ATG4C: variants seen among roughly 807,000 people sequenced by gnomAD.
ATG4C encodes autophagy related 4C cysteine peptidase.
A neutral mutation model predicts 57.6 loss-of-function variants in ATG4C; 56 were observed. The observed-to-expected ratio is 0.97, with a 90% CI of 0.78 to 1.21. The LOEUF (loss-of-function observed/expected upper bound fraction) is 1.21, where lower values mean the gene tolerates loss of function less well. Ranked by LOEUF, ATG4C falls within the 50% of genes most tolerant of loss-of-function variation. The pLI is 0.00. For missense variants in ATG4C, 595 were observed against 529.8 expected, an observed-to-expected ratio of 1.12 and a Z score of -1.21; for synonymous variants, 157 against 174.1, an observed-to-expected ratio of 0.90 and a Z score of 0.78.
intron 3 of ATG4C, among the ~76,000 whole-genome samples, chr1:62,808,999 C>G (rs1188948657): frequency 6.6e-6 from 1 of 152,100 alleles, no homozygotes; most frequent in Admixed American, 6.6e-5. Context: ...GTGTCCCAAT[C>G]ACGGCTCACT....
chr1:62,839,963 G>T (rs1666117993), intron 9 of ATG4C, among the ~76,000 whole-genome samples: 1 of 152,134 alleles, frequency 6.6e-6, no homozygotes, highest in Non-Finnish European at 1.5e-5. Flanking sequence ...GATGATACGG[G>T]ATACAAATTG....
chr1:62,806,661 G>A (rs1180301765), intron 3 of ATG4C, among the ~76,000 whole-genome samples: 1 of 152,088 alleles, frequency 6.6e-6, no homozygotes, highest in African/African-American at 2.4e-5. Flanking sequence ...GTGGGAGGAG[G>A]GGATAAGAAA....
chr1:62,798,906 G>A (rs1409475672), intron 1 of ATG4C, among the ~76,000 whole-genome samples: 7 of 152,112 alleles, frequency 4.6e-5, no homozygotes, highest in Non-Finnish European at 1.0e-4. Flanking sequence ...GCCTCCTAAA[G>A]TGCTGGGATT....
chr1:62,853,910 A>G (rs1666596775), intron 10 of ATG4C, among the ~76,000 whole-genome samples: 1 of 152,024 alleles, frequency 6.6e-6, no homozygotes. Context: ...AACTCTTATT[A>G]TACAGTTTGG....
chr1:62,816,844 TG>T (rs551800130), intron 4 of ATG4C, 36 bp downstream of exon 4: 96 of 1,440,262 alleles, frequency 6.7e-5, no homozygotes, highest in South Asian at 4.7e-4. Flanking sequence ...TGTTTTGTTT[TG>T]TTTTTTTGTC....
At chr1:62,830,281 T>C (rs1665799670) in intron 7 of ATG4C, among the ~76,000 whole-genome samples, 2 of 152,150 alleles carry the variant, frequency 1.3e-5, no homozygotes, top group African/African-American at 4.8e-5. Flanking sequence ...ATTGGTGCAG[T>C]ATGAGAAGCT....
At chr1:62,849,032 A>G (rs1309084639) in intron 10 of ATG4C, among the ~76,000 whole-genome samples, 1 of 152,150 alleles carries the variant, frequency 6.6e-6, no homozygotes, top group South Asian at 2.1e-4. Flanking sequence ...CATCTTTGCC[A>G]GATATATCAC....
At chr1:62,789,269 T>C (rs1470590010) in intron 1 of ATG4C, among the ~76,000 whole-genome samples, 1 of 152,250 alleles carries the variant, frequency 6.6e-6, no homozygotes, top group Non-Finnish European at 1.5e-5. Flanking sequence ...TCAAAATCTA[T>C]GCAGTGCGTT....
At chr1:62,818,543 A>G (rs1253460907) in intron 4 of ATG4C, among the ~76,000 whole-genome samples, 1 of 152,080 alleles carries the variant, frequency 6.6e-6, no homozygotes, top group Admixed American at 6.6e-5. Context: ...GTATTTTTGT[A>G]ATTTTTTTCT....
intron 10 of ATG4C, among the ~76,000 whole-genome samples, chr1:62,851,455 A>G (rs1666518230): frequency 6.6e-6 from 1 of 152,190 alleles, no homozygotes; most frequent in South Asian, 2.1e-4. Flanking sequence ...ATTTCTAAGA[A>G]CAATAAGTCT....
At chr1:62,798,901 C>T (rs983426974) in intron 1 of ATG4C, among the ~76,000 whole-genome samples, 1 of 152,150 alleles carries the variant, frequency 6.6e-6, no homozygotes, top group African/African-American at 2.4e-5. Context: ...CCTTGGCCTC[C>T]TAAAGTGCTG....
At chr1:62,813,045 C>T (rs1239001142) in intron 3 of ATG4C, among the ~76,000 whole-genome samples, 3 of 152,134 alleles carry the variant, frequency 2.0e-5, no homozygotes, top group Non-Finnish European at 4.4e-5. Flanking sequence ...GGCCATACTG[C>T]CCAAAGTAAT....
chr1:62,847,882 C>T (rs1205551691), intron 10 of ATG4C, among the ~76,000 whole-genome samples: 2 of 152,166 alleles, frequency 1.3e-5, no homozygotes, highest in Non-Finnish European at 2.9e-5. Flanking sequence ...GTCAGGTTTA[C>T]TGGAAGTGCC....
At chr1:62,784,782 A>G (rs1664027230) in intron 1 of ATG4C, among the ~76,000 whole-genome samples, 1 of 152,048 alleles carries the variant, frequency 6.6e-6, no homozygotes, top group South Asian at 2.1e-4. Flanking sequence ...TTTCCATCTA[A>G]ATATTAACGT....
intron 1 of ATG4C, among the ~76,000 whole-genome samples, chr1:62,793,618 A>AAAAAAAAAAAC (rs1553221617): frequency 2.9e-5 from 3 of 104,054 alleles, no homozygotes; most frequent in African/African-American, 3.9e-5. Flanking sequence ...AAAAAAAAAA[A>AAAAAAAAAAAC]AACCAAAAAA....
chr1:62,812,283 C>T (rs950465716), intron 3 of ATG4C, among the ~76,000 whole-genome samples: 10 of 152,126 alleles, frequency 6.6e-5, no homozygotes, highest in African/African-American at 1.7e-4. Context: ...ACGATCACGT[C>T]GGCTTCATCC....
intron 1 of ATG4C, among the ~76,000 whole-genome samples, chr1:62,798,494 T>G (rs1664546642): frequency 6.6e-6 from 1 of 152,200 alleles, no homozygotes; most frequent in African/African-American, 2.4e-5. Flanking sequence ...TAATATGTGG[T>G]AAGGCAACTC....
intron 10 of ATG4C, among the ~76,000 whole-genome samples, chr1:62,863,547 A>G (rs1666915844): frequency 6.6e-6 from 1 of 152,030 alleles, no homozygotes; most frequent in South Asian, 2.1e-4. Context: ...GGTTAGTTAC[A>G]AAACAGAGAT....
chr1:62,801,932 T>C (rs564566533), intron 1 of ATG4C, among the ~76,000 whole-genome samples: 5 of 111,178 alleles, frequency 4.5e-5, no homozygotes, highest in African/African-American at 1.8e-4. Context: ...CACTCCAGCT[T>C]GGGGGACAGA....
Sources: allele counts gnomAD v4.1 joint callset (sites outside exome capture counted in the v4.1 genomes callset), GRCh38; gene constraint gnomAD v4.1.1; transcripts MANE v1.5; gene names NCBI Gene and HGNC (gene_info 2026-07-23, HGNC 2026-07-21).